The following EVL variants were observed in gnomAD, a reference collection of about 807,000 sequenced individuals.
The protein encoded by EVL is ena/VASP-like protein.
In EVL, 21 loss-of-function variants were observed where a neutral mutation model predicts 59.6. The observed-to-expected ratio is 0.35, with a 90% confidence interval of 0.25 to 0.51. The LOEUF is 0.51. Among genes scored for constraint, EVL ranks in the 20% least tolerant of loss-of-function variants. The probability of loss-of-function intolerance (pLI) is 0.97; values close to 1 mark genes in which losing one functional copy is unlikely to be tolerated. For synonymous variants in EVL, 198 were observed against 203.5 expected, an observed-to-expected ratio of 0.97 and a Z score of 0.23; for missense variants, 462 against 546.6, an observed-to-expected ratio of 0.85 and a Z score of 1.54.
intron 1 of EVL, among the ~76,000 whole-genome samples, chr14:99,990,904 G>A (rs2060871473): frequency 6.6e-6 from 1 of 152,066 alleles, no homozygotes; most frequent in Non-Finnish European, 1.5e-5. Context: ...TAGAGAGAGA[G>A]GGGGTGTGTA....
intron 2 of EVL, among the ~76,000 whole-genome samples, chr14:100,096,566 A>T (rs993119136): frequency 2.6e-5 from 4 of 152,216 alleles, no homozygotes; most frequent in African/African-American, 9.6e-5. Flanking sequence ...AAAACCGATC[A>T]TTCATAAGTG....
intron 1 of EVL, among the ~76,000 whole-genome samples, chr14:100,005,672 C>T (rs990644795): frequency 2.0e-5 from 3 of 150,362 alleles, no homozygotes; most frequent in Non-Finnish European, 4.4e-5. Flanking sequence ...CACACACACC[C>T]CTTGGATGTT....
chr14:100,127,295 C>T lies in EVL; in HGVS notation c.487+524C>T, dbSNP rs1888136982. The stretch of plus-strand genomic sequence containing the variant: ...AGGACGAGGGTTTTCCAGAAATTGT[C>T]ATGTTCACTGATAGGCAAAGGACTG... On this transcript the variant is annotated intron_variant, in intron 5 of 13. Coordinates refer to ENST00000392920, the MANE Select transcript of EVL (RefSeq NM_016337.3). This position sits in a 1 kb window ranked among gnomAD's most constrained non-coding sequence, Gnocchi z 4.2. Among the ~76,000 whole-genome samples, 1 of 152,260 alleles carries T rather than the reference C, an allele frequency of 6.6e-6. No individual in the cohort carries two copies. Among genetic ancestry groups the T allele is most frequent in the African/African-American group, 2.4e-5 (1 of 41,468 alleles).
intron 1 of EVL, among the ~76,000 whole-genome samples, chr14:100,012,327 C>T (rs2061021878): frequency 6.6e-6 from 1 of 152,188 alleles, no homozygotes; most frequent in Non-Finnish European, 1.5e-5. Flanking sequence ...GACCTCTTCT[C>T]CCGCCTCGGG....
chr14:100,104,878 A>G (rs1488036787), intron 3 of EVL, among the ~76,000 whole-genome samples: 5 of 147,888 alleles, frequency 3.4e-5, no homozygotes, highest in African/African-American at 1.2e-4. Context: ...TTAGGGGTAT[A>G]TAATCCAGTT....
At chr14:100,071,032 TG>T (rs1274549553) in intron 1 of EVL, among the ~76,000 whole-genome samples, 2 of 151,380 alleles carry the variant, frequency 1.3e-5, no homozygotes, top group Non-Finnish European at 3.0e-5. Flanking sequence ...CCCCAACAGT[TG>T]GTTGGAGTGT....
intron 1 of EVL, among the ~76,000 whole-genome samples, chr14:99,981,895 T>C (rs1448783946): frequency 6.6e-6 from 1 of 152,132 alleles, no homozygotes; most frequent in African/African-American, 2.4e-5. Flanking sequence ...TGAAGCCCAA[T>C]GAAACGAGGT....
chr14:100,024,857 C>T (rs2061184282), intron 1 of EVL, among the ~76,000 whole-genome samples: 1 of 152,106 alleles, frequency 6.6e-6, no homozygotes, highest in Non-Finnish European at 1.5e-5. Flanking sequence ...TTCCGCAGCC[C>T]AGTCAGCGGC....
chr14:100,005,124 G>A (rs540626784), intron 1 of EVL, among the ~76,000 whole-genome samples: 97 of 152,284 alleles, frequency 6.4e-4, no homozygotes, highest in Non-Finnish European at 7.4e-4. Context: ...TGATCTGACC[G>A]CCTCCATCTT....
At chr14:100,077,828 A>C (rs112583849) in intron 1 of EVL, among the ~76,000 whole-genome samples, 1 of 152,108 alleles carries the variant, frequency 6.6e-6, no homozygotes. Context: ...GCTAGAGTGC[A>C]ATGGCGCAAT....
chr14:100,128,224 A>G (rs888524348), intron 5 of EVL, among the ~76,000 whole-genome samples: 12 of 152,212 alleles, frequency 7.9e-5, no homozygotes, highest in African/African-American at 2.9e-4. Context: ...CCCCTGGAAA[A>G]ACATGATTGG....
intron 1 of EVL, among the ~76,000 whole-genome samples, chr14:100,008,792 A>G (rs75961363): frequency 0.035 from 5,268 of 151,644 alleles, 155 homozygotes; most frequent in East Asian, 0.13. Context: ...CTATTAATTT[A>G]AATACCATGG....
At chr14:100,061,679 T>G (rs147088220), upstream of EVL, among the ~76,000 whole-genome samples, 1 of 152,184 alleles carries the variant, frequency 6.6e-6, no homozygotes, top group South Asian at 2.1e-4. Context: ...TTTTAGCTAT[T>G]AAGAGCCTGT....
chr14:100,118,468 C>A (rs117696874), intron 3 of EVL, among the ~76,000 whole-genome samples: 1,532 of 152,284 alleles, frequency 0.01, 11 homozygotes, highest in Non-Finnish European at 0.018. Flanking sequence ...CTTGGAGCAG[C>A]CTGTGAAGGG....
chr14:100,077,965 T>C (rs1050133693), intron 1 of EVL, among the ~76,000 whole-genome samples: 2 of 151,910 alleles, frequency 1.3e-5, no homozygotes, highest in Non-Finnish European at 2.9e-5. Flanking sequence ...TTAGTAGAGA[T>C]GGGGTTTCAC....
chr14:100,020,434 T>A (rs1280514218), intron 1 of EVL, among the ~76,000 whole-genome samples: 15 of 151,992 alleles, frequency 9.9e-5, no homozygotes, highest in Admixed American at 9.8e-4. Context: ...TTGTGCATAT[T>A]TCCACCTCTC....
chr14:100,022,686 C>A lies in EVL; in HGVS notation c.5+50629C>A, dbSNP rs557681963. Reference sequence around the variant, plus strand: ...ATTCATAAAAACAACAGAATCCTGCCTGTTTTTGTTTCCTTGGCACCTACA... The same window carrying A: ...ATTCATAAAAACAACAGAATCCTGCATGTTTTTGTTTCCTTGGCACCTACA... On this transcript the variant is annotated intron_variant, in intron 1 of 13. Transcript: ENST00000402714. Among the ~76,000 whole-genome samples the A allele has an allele frequency of 8.5e-5, 13 of 152,296 alleles. No individual in the cohort carries two copies. In the South Asian group the frequency reaches 2.7e-3, roughly 32 times the overall value.
intron 1 of EVL, among the ~76,000 whole-genome samples, chr14:100,008,126 T>TC (rs1198284157): frequency 1.3e-5 from 2 of 152,302 alleles, no homozygotes; most frequent in Non-Finnish European, 2.9e-5. Context: ...GTTCTCAAAC[T>TC]TGAGCATGCG....
At chr14:100,082,571 G>T (rs1427324914) in intron 1 of EVL, among the ~76,000 whole-genome samples, 2 of 152,244 alleles carry the variant, frequency 1.3e-5, no homozygotes, top group African/African-American at 4.8e-5. Context: ...TTGGAGAGTA[G>T]TAAGTTAAGT....
Sources: gnomAD v4.1 joint callset for allele counts (sites outside exome capture counted in the v4.1 genomes callset) on GRCh38, gnomAD v4.1.1 for gene constraint, Gnocchi (gnomAD v3.1) non-coding constraint, MANE v1.5 for transcripts, NCBI Gene and HGNC (gene_info 2026-07-23, HGNC 2026-07-21) for gene names.